CLDN14: variants seen among roughly 807,000 people sequenced by gnomAD.
The protein encoded by CLDN14 is claudin-14.
In CLDN14, 2 loss-of-function variants were observed where a neutral mutation model predicts 2.1. That is an observed-to-expected ratio of 0.96 (90% CI 0.39 to 3.01). CLDN14 has a LOEUF of 3.01. Ranked by LOEUF, CLDN14 falls within the 30% of genes most tolerant of loss-of-function variation. CLDN14 has a pLI of 0.09. For missense variants in CLDN14, 298 were observed against 328.0 expected, an observed-to-expected ratio of 0.91 and a Z score of 0.71; for synonymous variants, 136 against 154.4, an observed-to-expected ratio of 0.88 and a Z score of 0.88.
intron 2 of CLDN14, chr21:36,486,902 G>T: frequency 1.6e-6 from 1 of 643,196 alleles, no homozygotes; most frequent in South Asian, 1.5e-5. Context: ...CCGGTGTCTA[G>T]AGTGAGTGTG....
chr21:36,571,347 T>C (rs2087708957), intron 1 of CLDN14, among the ~76,000 whole-genome samples: 1 of 152,222 alleles, frequency 6.6e-6, no homozygotes, highest in Non-Finnish European at 1.5e-5. Flanking sequence ...GTTAACAGTA[T>C]GTAAGGTTGT....
intron 2 of CLDN14, chr21:36,485,893 T>C: frequency 1.5e-6 from 1 of 683,074 alleles, no homozygotes; most frequent in Non-Finnish European, 2.4e-6. Flanking sequence ...ATTTAGGCTG[T>C]AATGGTTACA....
intron 2 of CLDN14, among the ~76,000 whole-genome samples, chr21:36,490,947 CAG>C (rs1281870018): frequency 2.4e-5 from 2 of 81,648 alleles, no homozygotes; most frequent in African/African-American, 9.2e-5. Flanking sequence ...TGCAAGTGCA[CAG>C]ACACACACAC....
Position 36,488,801 on chromosome 21 carries a change from C to T in CLDN14, c.-82+21562G>A, listed in dbSNP as rs1191989366. 5.9e-5 allele frequency among the ~76,000 whole-genome samples: 9 copies of T among 152,042 alleles called. No individual in the cohort carries two copies. The South Asian group carries it at 8.3e-4, about 14-fold the overall frequency. ...TGTACTTCAAATGGCTGAAATAGCA[C>T]ATTTTACGTTATGTGTGTTTTACTA... is the stretch of plus-strand genomic sequence containing the variant. On this transcript the variant is annotated intron_variant, in intron 2 of 2. Coordinates refer to the CLDN14 transcript ENST00000342108.
In CLDN14 at chr21:36,461,031, GC is replaced by G. The variant is rs761918152; in HGVS notation, c.664del (p.Ala222ProfsTer4). 2.5e-6 allele frequency: 4 copies of G among 1,613,694 alleles called. No homozygotes were observed. The highest frequency in any genetic ancestry group is 3.4e-6 in the Non-Finnish European group (4 of 1,179,988). On this transcript the variant is annotated frameshift_variant, in exon 2 of 2. Transcript: ENST00000399135. LOFTEE classifies it high-confidence loss of function. ...GTGCGTGGCCGAGGTCACTGAGGGG[GC>G]CCGATTGTCTTTGTAGGCAGCTGGT... ...QPPAAYKDNR[A>X]PSVTSATHSG... is the part of the protein sequence containing the mutation.
chr21:36,511,829 T>C (rs1601617941), intron 1 of CLDN14, among the ~76,000 whole-genome samples: 1 of 152,210 alleles, frequency 6.6e-6, no homozygotes, highest in East Asian at 1.9e-4. Flanking sequence ...GTTCTAAGTT[T>C]GGTTGGTCTG....
At chr21:36,532,168 C>G (rs2087385523) in intron 1 of CLDN14, 1 of 152,170 alleles carries the variant, frequency 6.6e-6, no homozygotes, top group African/African-American at 2.4e-5. Context: ...GAGCACTAGG[C>G]TGGGAGTCAA....
chr21:36,556,556 C>A (rs1297358473), intron 1 of CLDN14, among the ~76,000 whole-genome samples: 1 of 152,208 alleles, frequency 6.6e-6, no homozygotes, highest in East Asian at 1.9e-4. Flanking sequence ...GACTATGTCG[C>A]TTCTTTCCTC....
At chr21:36,537,235 C>CAG (rs146602302) in intron 1 of CLDN14, among the ~76,000 whole-genome samples, 12 of 150,908 alleles carry the variant, frequency 8.0e-5, no homozygotes, top group East Asian at 5.8e-4. Context: ...AACAAATCTG[C>CAG]AGAGAGAGAG....
intron 1 of CLDN14, among the ~76,000 whole-genome samples, chr21:36,563,075 T>G (rs1298914364): frequency 8.0e-6 from 1 of 125,656 alleles, no homozygotes. Flanking sequence ...CTCTGTGTTT[T>G]AATCACTAAC....
At chr21:36,527,394 A>G (rs1420411894) in intron 1 of CLDN14, among the ~76,000 whole-genome samples, 3 of 152,226 alleles carry the variant, frequency 2.0e-5, no homozygotes, top group Non-Finnish European at 2.9e-5. Flanking sequence ...AGCTGCGTCC[A>G]GAATAATTGG....
rs534526725 is a variant in CLDN14 at position 36,498,627 on chromosome 21, C to G, written c.-82+11736G>C. On this transcript the variant is annotated intron_variant, in intron 2 of 2. Coordinates refer to the CLDN14 transcript ENST00000342108. The surrounding 1 kb of genome is among the most constrained non-coding windows in gnomAD (Gnocchi z 4.9). ...GATGGGGACGTGGAACTGGTAGGAC[C>G]GATGGCTAAGCTCTCTTCCCCTCCA... Among the ~76,000 whole-genome samples the G allele has an allele frequency of 1.3e-5, 2 of 152,140 alleles. No homozygotes were observed. Among genetic ancestry groups the G allele is most frequent in the East Asian group, 3.9e-4 (2 of 5,194 alleles).
intron 1 of CLDN14, among the ~76,000 whole-genome samples, chr21:36,471,237 A>G (rs2086707234): frequency 6.6e-6 from 1 of 152,176 alleles, no homozygotes; most frequent in African/African-American, 2.4e-5. Flanking sequence ...ACAAAAAACA[A>G]AGCCATGGTT....
At chr21:36,563,391 T>C (rs969563662) in intron 1 of CLDN14, among the ~76,000 whole-genome samples, 1 of 151,878 alleles carries the variant, frequency 6.6e-6, no homozygotes, top group Non-Finnish European at 1.5e-5. Context: ...TCTCTGTTAA[T>C]AACTAAACAT....
chr21:36,573,053 G>A (rs2087719788), intron 1 of CLDN14, among the ~76,000 whole-genome samples: 1 of 152,206 alleles, frequency 6.6e-6, no homozygotes, highest in Non-Finnish European at 1.5e-5. Context: ...TGTAATCCCA[G>A]CACTTTGGAA....
intron 1 of CLDN14, among the ~76,000 whole-genome samples, chr21:36,472,928 T>C (rs534345122): frequency 2.6e-5 from 4 of 152,250 alleles, no homozygotes; most frequent in African/African-American, 9.6e-5. Flanking sequence ...GGCTCCAACA[T>C]AGGAATTTTG....
At chr21:36,481,763 A>G (rs561267852), upstream of CLDN14, among the ~76,000 whole-genome samples, 4 of 152,350 alleles carry the variant, frequency 2.6e-5, no homozygotes, top group Non-Finnish European at 5.9e-5. Context: ...TGGATAAAAC[A>G]GTGTTTCCTG....
upstream of CLDN14, chr21:36,480,908 G>T (rs888688882): frequency 1.7e-4 from 26 of 152,216 alleles, no homozygotes; most frequent in African/African-American, 5.8e-4. Context: ...TGGACCAAAA[G>T]CCTGGCCCTT....
intron 2 of CLDN14, among the ~76,000 whole-genome samples, chr21:36,508,702 C>G (rs1014303058): frequency 2.0e-5 from 3 of 152,182 alleles, no homozygotes; most frequent in Admixed American, 6.5e-5. Flanking sequence ...AAGAAACCAC[C>G]GAGGTTTCTG....
Sources: allele counts gnomAD v4.1 joint callset (sites outside exome capture counted in the v4.1 genomes callset), GRCh38; gene constraint gnomAD v4.1.1; non-coding constraint Gnocchi (gnomAD v3.1); transcripts MANE v1.5; gene names NCBI Gene and HGNC (gene_info 2026-07-23, HGNC 2026-07-21).